STK3: variants seen among roughly 807,000 people sequenced by gnomAD.
The protein encoded by STK3 is serine/threonine-protein kinase 3.
Under a neutral mutation model 58.0 loss-of-function variants are expected in STK3, and 41 were observed. The observed-to-expected ratio is 0.71, with a 90% CI of 0.55 to 0.92. STK3 has a LOEUF of 0.92. STK3 is among the 40% of genes least tolerant of loss of function. The pLI, the probability that STK3 is intolerant of heterozygous loss-of-function variation, is 0.00. For missense variants in STK3, 479 were observed against 602.7 expected (o/e 0.79, Z 2.15); for synonymous variants, 170 against 191.0 (o/e 0.89, Z 0.91).
At chr8:98,495,881 G>C (rs941494875) in intron 10 of STK3, among the ~76,000 whole-genome samples, 36 of 151,958 alleles carry the variant, frequency 2.4e-4, no homozygotes, top group African/African-American at 8.0e-4. Flanking sequence ...AGTCATTTTG[G>C]CCTTGAAATG....
intron 7 of STK3, among the ~76,000 whole-genome samples, chr8:98,586,644 A>G (rs1477970816): frequency 1.3e-5 from 2 of 151,084 alleles, no homozygotes; most frequent in African/African-American, 4.9e-5. Flanking sequence ...CTCTTTTTCT[A>G]TTGATTGGAA....
chr8:98,359,388 T>TG, the STK3 span, among the ~76,000 whole-genome samples: 1 of 138,984 alleles, frequency 7.2e-6, no homozygotes, highest in Non-Finnish European at 1.5e-5. Context: ...CCTGGTGTAC[T>TG]GGTGGGCGCC....
intron 1 of STK3, among the ~76,000 whole-genome samples, chr8:98,447,430 TGGA>T (rs965001280): frequency 1.3e-5 from 2 of 151,866 alleles, no homozygotes; most frequent in African/African-American, 4.8e-5. Flanking sequence ...GACTTCTAAT[TGGA>T]CAGAGTAAGG....
At chr8:98,644,547 G>T (rs546013236) in intron 6 of STK3, among the ~76,000 whole-genome samples, 142 of 152,076 alleles carry the variant, frequency 9.3e-4, no homozygotes, top group South Asian at 2.3e-3. Context: ...TGAATAAAGG[G>T]TCCCAAATGC....
chr8:98,438,359 A>G (rs1818567685), intron 1 of STK3: 1 of 152,234 alleles, frequency 6.6e-6, no homozygotes. Flanking sequence ...ACTTGTGCTG[A>G]TATTTCAGGG....
chr8:98,884,150 A>G (rs1837896389), intron 1 of STK3, among the ~76,000 whole-genome samples: 1 of 152,096 alleles, frequency 6.6e-6, no homozygotes, highest in African/African-American at 2.4e-5. Context: ...GTTTTCAGTA[A>G]TGCCATTGAT....
chr8:98,372,471 G>C (rs968998038), intron 2 of STK3, among the ~76,000 whole-genome samples: 2 of 152,014 alleles, frequency 1.3e-5, no homozygotes, highest in Non-Finnish European at 2.9e-5. Context: ...TCCAAACCCA[G>C]CTCTGCCCAG....
intron 10 of STK3, among the ~76,000 whole-genome samples, chr8:98,510,304 A>G (rs1375290370): frequency 6.6e-6 from 1 of 152,076 alleles, no homozygotes; most frequent in Admixed American, 6.6e-5. Flanking sequence ...ATTTTTGTCT[A>G]TGTCTGAAGA....
At chr8:98,462,576 A>C (rs562078704) in intron 10 of STK3, among the ~76,000 whole-genome samples, 5 of 150,872 alleles carry the variant, frequency 3.3e-5, no homozygotes, top group African/African-American at 1.2e-4. Context: ...TTGAGTTTAC[A>C]GGAAATCTGA....
At chr8:98,427,319 C>T (rs1396304685) in intron 3 of STK3, 3 of 151,646 alleles carry the variant, frequency 2.0e-5, no homozygotes, top group Non-Finnish European at 4.4e-5. Flanking sequence ...CGCGGGCACC[C>T]GTGCTCCCAG....
At chr8:98,387,241 A>G (rs12548894) in intron 1 of STK3, among the ~76,000 whole-genome samples, 6,687 of 152,264 alleles carry the variant, frequency 0.044, 449 homozygotes, top group East Asian at 0.16. Flanking sequence ...TAATGTTTCT[A>G]TTGTTATTCT....
At chr8:98,616,794 G>C (rs1481538435) in intron 6 of STK3, among the ~76,000 whole-genome samples, 2 of 150,780 alleles carry the variant, frequency 1.3e-5, no homozygotes, top group African/African-American at 4.9e-5. Flanking sequence ...CAATACAGGA[G>C]CACCCAGATT....
chr8:98,781,896 G>T (rs969008168), intron 1 of STK3, among the ~76,000 whole-genome samples: 25 of 152,066 alleles, frequency 1.6e-4, no homozygotes, highest in African/African-American at 6.0e-4. Context: ...TGGTGAAATT[G>T]ATAAAAATCT....
intron 4 of STK3, among the ~76,000 whole-genome samples, chr8:98,714,365 G>A (rs1190901760): frequency 6.6e-6 from 1 of 152,306 alleles, no homozygotes; most frequent in Non-Finnish European, 1.5e-5. Flanking sequence ...TGACATGATT[G>A]GATATCTAGA....
intron 3 of STK3, among the ~76,000 whole-genome samples, chr8:98,396,370 T>C (rs1817897291): frequency 6.6e-6 from 1 of 152,238 alleles, no homozygotes; most frequent in Non-Finnish European, 1.5e-5. Flanking sequence ...AGATGCTTAT[T>C]GTGTCTACTG....
At chr8:98,707,368 C>CGTG in intron 4 of STK3, 57 bp from the exon 5 acceptor site, 1 of 1,271,232 alleles carries the variant, frequency 7.9e-7, no homozygotes. Context: ...TAAAATCTTA[C>CGTG]GAAAGAGCAC....
chr8:98,584,476 A>T (rs577657252), intron 7 of STK3, among the ~76,000 whole-genome samples: 19 of 151,790 alleles, frequency 1.3e-4, no homozygotes, highest in African/African-American at 4.1e-4. Context: ...TATGTGCCAC[A>T]TTTTCTTAAT....
intron 7 of STK3, among the ~76,000 whole-genome samples, chr8:98,590,846 TA>T (rs1815246237): frequency 6.6e-6 from 1 of 152,242 alleles, no homozygotes; most frequent in Non-Finnish European, 1.5e-5. Flanking sequence ...TGTTAGTATA[TA>T]ATTATATGCT....
At chr8:98,566,569 G>T (rs915567916) in intron 8 of STK3, among the ~76,000 whole-genome samples, 1 of 151,912 alleles carries the variant, frequency 6.6e-6, no homozygotes, top group Admixed American at 6.6e-5. Context: ...TGAAATCAGA[G>T]AAAAAATTTG....
Sources: gnomAD v4.1 joint callset for allele counts (sites outside exome capture counted in the v4.1 genomes callset) on GRCh38, gnomAD v4.1.1 for gene constraint, MANE v1.5 for transcripts, NCBI Gene and HGNC (gene_info 2026-07-23, HGNC 2026-07-21) for gene names.